BPIFA3: variants seen among roughly 807,000 people sequenced by gnomAD.
The protein encoded by BPIFA3 is BPI fold-containing family A member 3.
A neutral mutation model predicts 29.7 loss-of-function variants in BPIFA3; 32 were observed. That is an observed-to-expected ratio of 1.08 (90% confidence interval 0.81 to 1.45). The LOEUF is 1.45. Ranked by LOEUF, BPIFA3 falls within the 40% of genes most tolerant of loss-of-function variation. The probability of loss-of-function intolerance (pLI) is 0.00; values close to 1 mark genes in which losing one functional copy is unlikely to be tolerated. For missense variants in BPIFA3, 323 were observed against 311.3 expected (o/e 1.04, Z -0.28); for synonymous variants, 112 against 113.7 (o/e 0.98, Z 0.10).
chr20:33,224,992 G>A lies in BPIFA3; in HGVS notation c.387-106G>A, dbSNP rs950866153. Reference sequence around the variant, plus strand: ...TTGTTGAAAGGACTCAGAGTGCCAGGGGAAGCCCTAACGGTGGACAGTGCC... The same window carrying A: ...TTGTTGAAAGGACTCAGAGTGCCAGAGGAAGCCCTAACGGTGGACAGTGCC... On this transcript the variant is annotated intron_variant, in intron 3 of 6. Coordinates refer to ENST00000375454, the MANE Select transcript of BPIFA3 (RefSeq NM_178466.5). 1.2e-5 allele frequency: 12 copies of A among 1,021,088 alleles called. No individual in the cohort carries two copies. In the East Asian group the frequency reaches 2.9e-4, roughly 25 times the overall value. The allele number at this position is 1,021,088 out of a possible 1,614,324, so 63.3% of individuals were successfully genotyped here.
rs755585157 is a variant in BPIFA3 at position 33,225,237 on chromosome 20, A to T, written c.526A>T (p.Ile176Phe). The change falls in exon 4 of 7, where the codon ATC becomes TTC. Residue 176 changes from isoleucine (I) to phenylalanine (F), a missense_variant. Coordinates refer to ENST00000375454, the MANE Select transcript of BPIFA3 (RefSeq NM_178466.5). The part of the protein sequence containing the change: ...DAEPSSVHVA[I>F]LTEAIPPKMN... ...AGAGCCCAGCAGTGTCCATGTGGCCATCCTCACTGAGTAAGACCCCAGCTG... is the reference window on the plus strand; with the variant it reads ...AGAGCCCAGCAGTGTCCATGTGGCCTTCCTCACTGAGTAAGACCCCAGCTG... 6.2e-7 allele frequency: 1 copy of T among 1,613,754 alleles called. No homozygotes were observed. The highest frequency in any genetic ancestry group is 8.5e-7 in the Non-Finnish European group (1 of 1,180,020).
chr20:33,223,847 G>A lies in BPIFA3; in HGVS notation c.164G>A (p.Ser55Asn). 6.2e-7 allele frequency: 1 copy of A among 1,614,142 alleles called. No homozygotes were observed. The part of the protein sequence containing the change: ...AQGLIKHNAE[S>N]RIQNIHFGDR... ...GGCCTCATAAAGCACAACGCAGAAA[G>A]CCGAATTCAGAACATCCACTTTGGG... Residue 55 changes from serine (S) to asparagine (N), a missense_variant, in exon 2 of 7, where the codon AGC (serine) becomes AAC (asparagine). Physicochemically the swap from Ser to Asn is conservative, Grantham distance 46. Transcript: ENST00000375454.
intron 6 of BPIFA3, 64 bp downstream of exon 6, chr20:33,227,057 C>A: frequency 6.7e-7 from 1 of 1,491,206 alleles, no homozygotes; most frequent in Non-Finnish European, 9.4e-7. Context: ...AGAGGTACCC[C>A]CGGCCCTGGA....
At chr20:33,220,981 T>C (rs1985484207) in intron 1 of BPIFA3, among the ~76,000 whole-genome samples, 1 of 152,186 alleles carries the variant, frequency 6.6e-6, no homozygotes, top group Non-Finnish European at 1.5e-5. Context: ...TTTATGAATT[T>C]TTCTTACTCA....
intron 1 of BPIFA3, among the ~76,000 whole-genome samples, chr20:33,218,367 G>A (rs977509874): frequency 4.6e-5 from 7 of 152,172 alleles, no homozygotes; most frequent in African/African-American, 1.7e-4. Context: ...TGGTCTACAC[G>A]TGCTCCAGTA....
intron 1 of BPIFA3, among the ~76,000 whole-genome samples, chr20:33,220,075 G>C (rs1985435142): frequency 1.3e-5 from 2 of 150,426 alleles, no homozygotes. Context: ...ACTCCAGCCT[G>C]GGCAACAAAG....
At chr20:33,221,504 A>T (rs533028887) in intron 1 of BPIFA3, among the ~76,000 whole-genome samples, 1 of 152,240 alleles carries the variant, frequency 6.6e-6, no homozygotes, top group Non-Finnish European at 1.5e-5. Context: ...CAAACTTTTC[A>T]TACATAAAAC....
intron 6 of BPIFA3, among the ~76,000 whole-genome samples, chr20:33,227,330 C>G (rs1985830575): frequency 6.6e-6 from 1 of 152,222 alleles, no homozygotes; most frequent in South Asian, 2.1e-4. Context: ...TACAGATAAA[C>G]AGTTATAGTC....
chr20:33,219,235 T>C (rs934500895), intron 1 of BPIFA3, among the ~76,000 whole-genome samples: 6 of 152,182 alleles, frequency 3.9e-5, no homozygotes, highest in Admixed American at 6.5e-5. Context: ...TCCCTGTTCT[T>C]ACCTTTTATC....
At position 33,224,464 on chromosome 20, in the gene BPIFA3, T is replaced by TGA. The variant is rs1985681629; in HGVS notation, c.386+4_386+5dup. 6.2e-7 allele frequency: 1 copy of TGA among 1,607,614 alleles called. No homozygotes were observed. ...TGAATTTGACCTTGAATTGAGACCG[T>TGA]GAGTCATACAGAAGCAGAATCTGAG... On this transcript the variant is annotated splice_region_variant and intron_variant, in intron 3 of 6. Transcript: ENST00000375454.
intron 5 of BPIFA3, 28 bp downstream of exon 5, chr20:33,226,518 G>A: frequency 4.1e-6 from 6 of 1,456,636 alleles, no homozygotes; most frequent in Non-Finnish European, 5.8e-6. Context: ...TTTGCATCTT[G>A]AGCATCCTTG....
rs1026944564 is a variant in BPIFA3 at position 33,227,673 on chromosome 20, T to C, written c.*56T>C. 1.4e-6 allele frequency: 2 copies of C among 1,463,060 alleles called. No homozygotes were observed. Among genetic ancestry groups the C allele is most frequent in the East Asian group, 2.3e-5 (1 of 44,024 alleles). The allele number at this position is 1,463,060 out of a possible 1,614,324, so 90.6% of individuals were successfully genotyped here. ...TTGCAACCTTAAGTCTCCCTTAGAG[T>C]GGGGCTTCTGCTACCCTAAAAACTT... On this transcript the variant is annotated 3_prime_UTR_variant, in exon 7 of 7. Transcript: ENST00000375454.
intron 4 of BPIFA3, 141 bp downstream of exon 4, chr20:33,225,388 C>G (rs1056532888): frequency 4.1e-6 from 5 of 1,232,830 alleles, no homozygotes; most frequent in Middle Eastern, 2.8e-4. Context: ...CTCCCATGTT[C>G]CCATCCGTGA....
In BPIFA3 at chr20:33,226,495, G is replaced by T. The variant is rs1985785478; in HGVS notation, c.621+5G>T. ...CCACACATGGTAGAAAGTCAGGTAA[G>T]TTTAGAAAAAACTTTGCATCTTGAG... is the stretch of plus-strand genomic sequence containing the variant. On this transcript the variant is annotated splice_donor_5th_base_variant and intron_variant, in intron 5 of 6. Coordinates refer to ENST00000375454, the MANE Select transcript of BPIFA3 (RefSeq NM_178466.5). 1.1e-5 allele frequency: 17 copies of T among 1,597,014 alleles called. No individual in the cohort carries two copies. Among genetic ancestry groups the T allele is most frequent in the Non-Finnish European group, 1.5e-5 (17 of 1,168,352 alleles).
chr20:33,221,753 C>A (rs976937555), intron 1 of BPIFA3, among the ~76,000 whole-genome samples: 5 of 152,098 alleles, frequency 3.3e-5, no homozygotes, highest in Non-Finnish European at 7.4e-5. Flanking sequence ...TGAATGTTTT[C>A]TATTTTTCCT....
chr20:33,218,174 C>T (rs1051903115), intron 1 of BPIFA3, among the ~76,000 whole-genome samples: 1 of 152,198 alleles, frequency 6.6e-6, no homozygotes, highest in Non-Finnish European at 1.5e-5. Context: ...GATGGACATG[C>T]AGGTTGTCTC....
At chr20:33,222,554 AGATGGATGGATGGATGGATG>A (rs56018803) in intron 1 of BPIFA3, among the ~76,000 whole-genome samples, 2 of 129,380 alleles carry the variant, frequency 1.5e-5, no homozygotes, top group East Asian at 2.1e-4. Flanking sequence ...ATAGATGGAC[AGATGGATGGATGGATGGATG>A]GATGGATGGA....
At chr20:33,225,435 C>A in intron 4 of BPIFA3, 188 bp downstream of exon 4, 1 of 695,872 alleles carries the variant, frequency 1.4e-6, no homozygotes, top group Non-Finnish European at 2.3e-6. Context: ...GACTCTTCTC[C>A]CTCCTCACTC....
rs563013739 is a variant in BPIFA3, at chr20:33,219,009, A to G, written c.127+1346A>G. On this transcript the variant is annotated intron_variant, in intron 1 of 6. Transcript: ENST00000375454. ...CAACGTCCACCTCCCAGGTTCAAGC[A>G]ATTCTCCTGCCTCAGCCTCCTGAGT... Among the ~76,000 whole-genome samples, 110 of 152,256 alleles carry G rather than the reference A, an allele frequency of 7.2e-4. 2 individuals are homozygous for G. Among genetic ancestry groups the G allele is most frequent in the Admixed American group, 1.2e-3 (19 of 15,296 alleles).
Sources: allele counts gnomAD v4.1 joint callset (sites outside exome capture counted in the v4.1 genomes callset), GRCh38; gene constraint gnomAD v4.1.1; transcripts MANE v1.5; gene names NCBI Gene and HGNC (gene_info 2026-07-23, HGNC 2026-07-21).